Variants in JAZF1 observed in about 807,000 individuals in gnomAD.
The protein encoded by JAZF1 is juxtaposed with another zinc finger protein 1.
Under a neutral mutation model 26.4 loss-of-function variants are expected in JAZF1, and 8 were observed. The observed-to-expected ratio is 0.30, with a 90% CI of 0.18 to 0.55. JAZF1 has a LOEUF of 0.55. JAZF1 is among the 20% of genes least tolerant of loss of function. JAZF1 has a pLI of 0.94. For missense variants in JAZF1, 199 were observed against 322.0 expected (o/e 0.62, Z 2.92); for synonymous variants, 126 against 122.3 (o/e 1.03, Z -0.20).
intron 3 of JAZF1, among the ~76,000 whole-genome samples, chr7:27,891,622 T>C (rs769943424): frequency 2.0e-5 from 3 of 151,056 alleles, no homozygotes; most frequent in Non-Finnish European, 4.4e-5. Flanking sequence ...AGGCCAAGAG[T>C]TCAAGACCAG....
At chr7:27,873,705 A>C (rs1783623646) in intron 3 of JAZF1, among the ~76,000 whole-genome samples, 1 of 152,150 alleles carries the variant, frequency 6.6e-6, no homozygotes, top group Admixed American at 6.5e-5. Context: ...AGCTTTATTT[A>C]CACCTTGTCT....
At chr7:28,000,932 T>G (rs916485305) in intron 1 of JAZF1, among the ~76,000 whole-genome samples, 9 of 152,304 alleles carry the variant, frequency 5.9e-5, no homozygotes, top group Admixed American at 2.0e-4. Flanking sequence ...TCTTATTTTC[T>G]TAATGGAGAC....
chr7:28,062,058 C>T (rs1284029014), intron 1 of JAZF1, among the ~76,000 whole-genome samples: 1 of 152,162 alleles, frequency 6.6e-6, no homozygotes, highest in Non-Finnish European at 1.5e-5. Context: ...AGAGCGTGAA[C>T]CCTGCAAGAG....
At chr7:28,044,074 A>G (rs919631925) in intron 1 of JAZF1, among the ~76,000 whole-genome samples, 1 of 152,190 alleles carries the variant, frequency 6.6e-6, no homozygotes, top group African/African-American at 2.4e-5. Flanking sequence ...ATGGTTGTAC[A>G]TTACTGTAAA....
intron 1 of JAZF1, among the ~76,000 whole-genome samples, chr7:28,166,995 G>C (rs1206706500): frequency 6.6e-6 from 1 of 152,176 alleles, no homozygotes; most frequent in Non-Finnish European, 1.5e-5. Context: ...AGGAGTATGT[G>C]GCATAGGGAG....
At chr7:27,853,111 T>A (rs1347897522) in intron 3 of JAZF1, among the ~76,000 whole-genome samples, 1 of 152,218 alleles carries the variant, frequency 6.6e-6, no homozygotes, top group Non-Finnish European at 1.5e-5. Context: ...TTCTAAATAA[T>A]GTACTTCTGC....
chr7:27,980,139 T>A (rs1194962746), intron 2 of JAZF1, among the ~76,000 whole-genome samples: 2 of 152,208 alleles, frequency 1.3e-5, no homozygotes, highest in Non-Finnish European at 2.9e-5. Context: ...AACTCTGATA[T>A]CCCAACAGGT....
chr7:27,924,660 T>C (rs995361183), intron 2 of JAZF1, among the ~76,000 whole-genome samples: 1 of 152,242 alleles, frequency 6.6e-6, no homozygotes, highest in Non-Finnish European at 1.5e-5. Flanking sequence ...TGAGTCATTC[T>C]GTAATTTGAA....
chr7:27,989,180 A>C (rs1785839689), intron 2 of JAZF1, among the ~76,000 whole-genome samples: 1 of 152,146 alleles, frequency 6.6e-6, no homozygotes, highest in South Asian at 2.1e-4. Flanking sequence ...CAAATACAAG[A>C]AATGGGGAAA....
chr7:28,001,466 C>G (rs146369289), intron 1 of JAZF1, among the ~76,000 whole-genome samples: 72 of 152,246 alleles, frequency 4.7e-4, no homozygotes, highest in Middle Eastern at 3.4e-3. Context: ...ACTCTAGAAA[C>G]AAAACATGAC....
At chr7:28,119,099 G>C (rs1429504788) in intron 1 of JAZF1, among the ~76,000 whole-genome samples, 2 of 152,082 alleles carry the variant, frequency 1.3e-5, no homozygotes, top group African/African-American at 4.8e-5. Context: ...TGAACCAAGA[G>C]GCAGTGGCCA....
chr7:28,118,815 G>A (rs1236903750), intron 1 of JAZF1, among the ~76,000 whole-genome samples: 1 of 151,556 alleles, frequency 6.6e-6, no homozygotes, highest in Non-Finnish European at 1.5e-5. Flanking sequence ...ACAGAGTCAT[G>A]AGCAGCATAT....
At chr7:27,967,863 C>G (rs1461632579) in intron 2 of JAZF1, among the ~76,000 whole-genome samples, 1 of 152,226 alleles carries the variant, frequency 6.6e-6, no homozygotes, top group East Asian at 1.9e-4. Flanking sequence ...ACCTTGCCAA[C>G]AGGGCAGTAT....
chr7:28,157,414 G>A (rs1783204392), intron 1 of JAZF1, among the ~76,000 whole-genome samples: 1 of 152,234 alleles, frequency 6.6e-6, no homozygotes, highest in Admixed American at 6.5e-5. Context: ...AGCAGTCACA[G>A]ACGGTATAAA....
chr7:27,886,221 A>C (rs922097300), intron 3 of JAZF1, among the ~76,000 whole-genome samples: 1 of 152,200 alleles, frequency 6.6e-6, no homozygotes, highest in African/African-American at 2.4e-5. Context: ...ACAGATGAGG[A>C]AACTGAGGCT....
chr7:28,089,017 A>G lies in JAZF1; in HGVS notation c.115+91446T>C, dbSNP rs573211768. ...TCACCAATTTCCAACAAGAATAAAA[A>G]TGCTCCCAAGACATAATCTCCCATT... is the stretch of plus-strand genomic sequence containing the variant. On this transcript the variant is annotated intron_variant, in intron 1 of 4. Transcript: ENST00000283928. Among the ~76,000 whole-genome samples, 22 of 152,338 alleles carry G rather than the reference A, an allele frequency of 1.4e-4. 1 individual carries two copies. The South Asian group carries it at 4.3e-3, about 30-fold the overall frequency.
chr7:27,839,657 A>C (rs1271684112), intron 4 of JAZF1, among the ~76,000 whole-genome samples: 3 of 152,248 alleles, frequency 2.0e-5, no homozygotes, highest in Non-Finnish European at 2.9e-5. Flanking sequence ...TGGACTTTGC[A>C]TGATGGAATT....
intron 2 of JAZF1, among the ~76,000 whole-genome samples, chr7:27,957,151 GAAT>G (rs1275938819): frequency 6.6e-6 from 1 of 152,044 alleles, no homozygotes; most frequent in African/African-American, 2.4e-5. Context: ...TAAGTGAACT[GAAT>G]TTAAATCCTC....
chr7:28,141,918 T>C (rs1782965320), intron 1 of JAZF1, among the ~76,000 whole-genome samples: 1 of 152,136 alleles, frequency 6.6e-6, no homozygotes, highest in Admixed American at 6.5e-5. Context: ...ATATATAACC[T>C]CTTATTGGGT....
Sources: allele counts gnomAD v4.1 joint callset (sites outside exome capture counted in the v4.1 genomes callset), GRCh38; gene constraint gnomAD v4.1.1; transcripts MANE v1.5; gene names NCBI Gene and HGNC (gene_info 2026-07-23, HGNC 2026-07-21).